The following FOXO3 variants were observed in gnomAD, a reference collection of about 807,000 sequenced individuals.
FOXO3 encodes forkhead box protein O3.
Under a neutral mutation model 41.9 loss-of-function variants are expected in FOXO3, and 4 were observed. The observed-to-expected ratio is 0.10, with a 90% CI of 0.05 to 0.22. The LOEUF (loss-of-function observed/expected upper bound fraction) is 0.22. Ranked by LOEUF, FOXO3 falls within the 10% of genes least tolerant of loss-of-function variation. FOXO3 has a pLI of 1.00. For synonymous variants in FOXO3, 318 were observed against 389.3 expected (o/e 0.82, Z 2.16); for missense variants, 534 against 906.8 (o/e 0.59, Z 5.28).
chr6:108,624,406 T>C (rs1777755759), intron 1 of FOXO3, among the ~76,000 whole-genome samples: 1 of 152,154 alleles, frequency 6.6e-6, no homozygotes, highest in African/African-American at 2.4e-5. Context: ...TTTATAATTA[T>C]ATTTTAATAT....
rs537530964 is a variant in FOXO3, at chr6:108,597,713, T to A, written c.621+35884T>A. On this transcript the variant is annotated intron_variant, in intron 1 of 2. Coordinates refer to ENST00000406360, the MANE Select transcript of FOXO3 (RefSeq NM_001455.4). ...ACTGACGTCTGCAGGCTTTGGTAAC[T>A]CATACTGTAGACCTGTATGTGGCTG... is the stretch of plus-strand genomic sequence containing the variant. 6.6e-5 allele frequency among the ~76,000 whole-genome samples: 10 copies of A among 152,308 alleles called. No individual in the cohort carries two copies. The South Asian group carries it at 1.7e-3, about 25-fold the overall frequency.
chr6:108,609,860 G>A (rs1777311279), intron 1 of FOXO3, among the ~76,000 whole-genome samples: 1 of 152,156 alleles, frequency 6.6e-6, no homozygotes, highest in Non-Finnish European at 1.5e-5. Flanking sequence ...TGACAACAGG[G>A]CTCCTTTTGC....
At chr6:108,629,177 G>T (rs1019225911) in intron 1 of FOXO3, among the ~76,000 whole-genome samples, 1 of 152,164 alleles carries the variant, frequency 6.6e-6, no homozygotes, top group Non-Finnish European at 1.5e-5. Flanking sequence ...GGTGGTGGCG[G>T]TGTGGTGATC....
chr6:108,640,610 T>G (rs1778231181), intron 1 of FOXO3, among the ~76,000 whole-genome samples: 1 of 152,218 alleles, frequency 6.6e-6, no homozygotes, highest in South Asian at 2.1e-4. Flanking sequence ...TTTTAGCATT[T>G]GTTTTATAGC....
At chr6:108,617,067 A>G (rs1436349340) in intron 1 of FOXO3, among the ~76,000 whole-genome samples, 1 of 152,202 alleles carries the variant, frequency 6.6e-6, no homozygotes. Flanking sequence ...TTTAGCTATT[A>G]TGAATAATGC....
chr6:108,618,051 C>G, intron 1 of FOXO3: 1 of 699,148 alleles, frequency 1.4e-6, no homozygotes, highest in Admixed American at 1.8e-5. Context: ...TATCTTCATT[C>G]TCCATTTCCA....
Position 108,678,678 on chromosome 6 carries a change from G to T in FOXO3, c.*35-1149G>T, listed in dbSNP as rs182198077. Among the ~76,000 whole-genome samples, 4 of 151,568 alleles carry T rather than the reference G, an allele frequency of 2.6e-5. No homozygotes were observed. In the East Asian group the frequency reaches 7.8e-4, roughly 29 times the overall value. On this transcript the variant is annotated intron_variant, in intron 2 of 2. Transcript: ENST00000406360. ...ATTGTTAATGGGGTGTTTTATGGGG[G>T]ATTTCTTGTCCATATATGTGTTATG...
At chr6:108,652,981 A>G (rs973677911) in intron 1 of FOXO3, among the ~76,000 whole-genome samples, 6 of 152,170 alleles carry the variant, frequency 3.9e-5, no homozygotes, top group Admixed American at 2.6e-4. Flanking sequence ...CACACACCCT[A>G]TCAGTTTGCC....
At chr6:108,659,206 T>TA (rs913149412) in intron 1 of FOXO3, among the ~76,000 whole-genome samples, 70 of 151,928 alleles carry the variant, frequency 4.6e-4, no homozygotes, top group African/African-American at 1.6e-3. Context: ...TTTAAAATCT[T>TA]AAAAAAAAAT....
intron 1 of FOXO3, among the ~76,000 whole-genome samples, chr6:108,614,396 TC>T (rs1244160016): frequency 6.6e-6 from 1 of 152,164 alleles, no homozygotes; most frequent in African/African-American, 2.4e-5. Context: ...ATTTTGAAAA[TC>T]TATTATTAGG....
intron 1 of FOXO3, among the ~76,000 whole-genome samples, chr6:108,605,743 C>T (rs1376191846): frequency 6.6e-6 from 1 of 152,146 alleles, no homozygotes; most frequent in Admixed American, 6.5e-5. Flanking sequence ...GTTTTGATTA[C>T]CTGCTTAGAT....
At chr6:108,648,639 C>G (rs902904854) in intron 1 of FOXO3, among the ~76,000 whole-genome samples, 1 of 152,026 alleles carries the variant, frequency 6.6e-6, no homozygotes, top group Non-Finnish European at 1.5e-5. Flanking sequence ...GATCATTGCC[C>G]AATTTTATCT....
At chr6:108,647,220 G>A (rs1582812095) in intron 1 of FOXO3, among the ~76,000 whole-genome samples, 1 of 152,178 alleles carries the variant, frequency 6.6e-6, no homozygotes, top group East Asian at 1.9e-4. Flanking sequence ...TGATGGCTTT[G>A]GCCAAATTCT....
At chr6:108,621,730 A>T (rs1036357860) in intron 1 of FOXO3, among the ~76,000 whole-genome samples, 1 of 152,112 alleles carries the variant, frequency 6.6e-6, no homozygotes, top group African/African-American at 2.4e-5. Context: ...TTTCAGAAGT[A>T]TGTGGGAGAG....
intron 1 of FOXO3, among the ~76,000 whole-genome samples, chr6:108,650,168 G>A (rs1024494328): frequency 2.6e-5 from 4 of 152,140 alleles, no homozygotes; most frequent in African/African-American, 9.7e-5. Context: ...TAGTTATAAG[G>A]TCAGGGGTCC....
At chr6:108,630,494 G>C (rs1274308864) in intron 1 of FOXO3, among the ~76,000 whole-genome samples, 1 of 152,114 alleles carries the variant, frequency 6.6e-6, no homozygotes, top group Admixed American at 6.6e-5. Context: ...GTAGTATTGC[G>C]GACCTGGCTG....
chr6:108,668,676 A>T (rs1779127058), intron 2 of FOXO3, among the ~76,000 whole-genome samples: 2 of 152,200 alleles, frequency 1.3e-5, no homozygotes, highest in African/African-American at 4.8e-5. Flanking sequence ...TTACATAAAG[A>T]CTGGGAAGCA....
At chr6:108,671,312 C>T (rs555823417) in intron 2 of FOXO3, among the ~76,000 whole-genome samples, 4 of 152,318 alleles carry the variant, frequency 2.6e-5, no homozygotes, top group East Asian at 3.9e-4. Flanking sequence ...GAGTTCATCA[C>T]GGTTGGACAT....
At chr6:108,660,773 G>A (rs1368579130) in intron 1 of FOXO3, among the ~76,000 whole-genome samples, 3 of 152,174 alleles carry the variant, frequency 2.0e-5, no homozygotes, top group Non-Finnish European at 4.4e-5. Flanking sequence ...TTGGGAGGCC[G>A]AGGCGGGTGG....
Sources: allele counts gnomAD v4.1 joint callset (sites outside exome capture counted in the v4.1 genomes callset), GRCh38; gene constraint gnomAD v4.1.1; transcripts MANE v1.5; gene names NCBI Gene and HGNC (gene_info 2026-07-23, HGNC 2026-07-21).